CDH7: variants seen among roughly 807,000 people sequenced by gnomAD.
The protein encoded by CDH7 is cadherin-7.
Under a neutral mutation model 71.8 loss-of-function variants are expected in CDH7, and 25 were observed. The ratio of observed to expected loss-of-function variants is 0.35; its 90% CI spans 0.25 to 0.49. The LOEUF (loss-of-function observed/expected upper bound fraction) is 0.49. CDH7 is among the 20% of genes least tolerant of loss of function. The probability of loss-of-function intolerance (pLI) is 0.99; values close to 1 mark genes in which losing one functional copy is unlikely to be tolerated. For missense variants in CDH7, 862 were observed against 974.6 expected (o/e 0.88, Z 1.54); for synonymous variants, 381 against 363.8 (o/e 1.05, Z -0.54).
intron 4 of CDH7, among the ~76,000 whole-genome samples, chr18:65,819,565 G>A (rs1336760059): frequency 6.6e-6 from 1 of 152,008 alleles, no homozygotes; most frequent in Non-Finnish European, 1.5e-5. Flanking sequence ...CTCATTGTAT[G>A]GTTTTAGAAT....
chr18:65,792,372 TCAAA>T (rs1910745991), intron 2 of CDH7, among the ~76,000 whole-genome samples: 2 of 152,102 alleles, frequency 1.3e-5, no homozygotes, highest in South Asian at 4.2e-4. Context: ...GTGTAAAGAA[TCAAA>T]CAAGTAAACC....
At chr18:65,781,783 C>T (rs201244561) in intron 2 of CDH7, among the ~76,000 whole-genome samples, 5,562 of 64,764 alleles carry the variant, frequency 0.086, 1,072 homozygotes, top group African/African-American at 0.23. Context: ...TCCTTCCTTC[C>T]TTCCTTCCTT....
At chr18:65,864,535 AG>A (rs1194889123) in intron 11 of CDH7, among the ~76,000 whole-genome samples, 1 of 152,038 alleles carries the variant, frequency 6.6e-6, no homozygotes, top group African/African-American at 2.4e-5. Context: ...TTAATAAAAA[AG>A]ATGTAAATTG....
intron 11 of CDH7, among the ~76,000 whole-genome samples, chr18:65,870,045 T>C (rs1913882998): frequency 6.6e-6 from 1 of 152,182 alleles, no homozygotes; most frequent in African/African-American, 2.4e-5. Flanking sequence ...TGTTTGCAGG[T>C]TAGTAGCCAT....
chr18:65,844,178 T>G lies in CDH7; in HGVS notation c.1235+113T>G, dbSNP rs964551770. 18 of 254,192 alleles carry G rather than the reference T, an allele frequency of 7.1e-5. No individual in the cohort carries two copies. The South Asian group carries it at 1.6e-3, about 22-fold the overall frequency. The allele number at this position is 254,192 out of a possible 1,614,324, so 15.7% of individuals were successfully genotyped here. On this transcript the variant is annotated intron_variant, in intron 7 of 11. Transcript: ENST00000397968. ...GTTCATAACAAATAAAAACCAGATATATATATATATCGAGTTATAACAGCA... is the reference window on the plus strand; with the variant it reads ...GTTCATAACAAATAAAAACCAGATAGATATATATATCGAGTTATAACAGCA...
At position 65,788,591 on chromosome 18, in the gene CDH7, A is replaced by G. The variant is rs190932869; in HGVS notation, c.211-21113A>G. On this transcript the variant is annotated intron_variant, in intron 2 of 11. Coordinates refer to ENST00000397968, the MANE Select transcript of CDH7 (RefSeq NM_004361.5). ...ACAGGGGCCATCTGCCGGCTTGCTC[A>G]ACTAATGCATTTGCTTGAGCCTCTA... is the stretch of plus-strand genomic sequence containing the variant. 2.7e-3 allele frequency among the ~76,000 whole-genome samples: 407 copies of G among 152,314 alleles called. 5 individuals carry two copies. The highest frequency in any genetic ancestry group is 9.4e-3 in the African/African-American group (392 of 41,584).
chr18:65,840,571 C>G (rs1242659312), intron 6 of CDH7, among the ~76,000 whole-genome samples: 1 of 151,986 alleles, frequency 6.6e-6, no homozygotes, highest in Non-Finnish European at 1.5e-5. Context: ...GAGGTGGTTT[C>G]CCCCCATACT....
At chr18:65,755,436 A>G (rs1234937999) in intron 1 of CDH7, among the ~76,000 whole-genome samples, 1 of 152,210 alleles carries the variant, frequency 6.6e-6, no homozygotes, top group Admixed American at 6.5e-5. Context: ...TTTTCCTCTA[A>G]CATGAACCCT....
intron 7 of CDH7, among the ~76,000 whole-genome samples, chr18:65,846,130 T>C (rs1912926689): frequency 6.6e-6 from 1 of 152,100 alleles, no homozygotes; most frequent in Non-Finnish European, 1.5e-5. Flanking sequence ...ATAATAATTT[T>C]AGGAAGAAGA....
At chr18:65,771,321 A>C (rs1007143888) in intron 2 of CDH7, among the ~76,000 whole-genome samples, 2 of 152,028 alleles carry the variant, frequency 1.3e-5, no homozygotes, top group African/African-American at 4.8e-5. Context: ...AGTTTTAACA[A>C]GTAGAAGTTT....
intron 3 of CDH7, among the ~76,000 whole-genome samples, chr18:65,810,346 C>G (rs964650013): frequency 6.6e-6 from 1 of 152,142 alleles, no homozygotes; most frequent in African/African-American, 2.4e-5. Flanking sequence ...CTTCCAGACA[C>G]AGGCCAGTGA....
rs1238528193 is a variant in CDH7, at chr18:65,777,435, G to A, written c.210+14383G>A. ...AAAGGAGATTTATTATATGATCTCC[G>A]CAGTGGGACTAGCCTACAGGTGAAA... On this transcript the variant is annotated intron_variant, in intron 2 of 11. Transcript: ENST00000397968. 5.9e-5 allele frequency among the ~76,000 whole-genome samples: 9 copies of A among 152,008 alleles called. No homozygotes were observed. The East Asian group carries it at 9.7e-4, about 16-fold the overall frequency.
intron 8 of CDH7, 44 bp from the exon 9 acceptor site, chr18:65,858,881 A>C (rs1323217077): frequency 6.3e-7 from 1 of 1,578,064 alleles, no homozygotes; most frequent in East Asian, 2.2e-5. Flanking sequence ...ATTGTGCTTT[A>C]GATGGGCAAA....
chr18:65,786,392 C>T (rs1599005099), intron 2 of CDH7, among the ~76,000 whole-genome samples: 1 of 152,142 alleles, frequency 6.6e-6, no homozygotes, highest in East Asian at 1.9e-4. Context: ...ATTATCATTA[C>T]ATTCCTAAGC....
chr18:65,783,285 C>G (rs973621346), intron 2 of CDH7, among the ~76,000 whole-genome samples: 1 of 151,968 alleles, frequency 6.6e-6, no homozygotes, highest in African/African-American at 2.4e-5. Context: ...AGAAAATTGA[C>G]AATAATAAAA....
Position 65,833,401 on chromosome 18 carries a change from C to A in CDH7, c.981+8570C>A, listed in dbSNP as rs571736267. Among the ~76,000 whole-genome samples, 6 of 152,278 alleles carry A rather than the reference C, an allele frequency of 3.9e-5. No homozygotes were observed. The South Asian group carries it at 1.2e-3, about 32-fold the overall frequency. ...CCAAGGTTAATGCCAATTTATTTTT[C>A]TTCCTCTCATTAATTGTTTTCTTTC... On this transcript the variant is annotated intron_variant, in intron 6 of 11. Coordinates refer to ENST00000397968, the MANE Select transcript of CDH7 (RefSeq NM_004361.5).
intron 6 of CDH7, among the ~76,000 whole-genome samples, chr18:65,829,775 A>AGTGTGTGTGTGTGT (rs3061822): frequency 1.4e-5 from 2 of 138,124 alleles, no homozygotes; most frequent in African/African-American, 5.5e-5. Flanking sequence ...CAAGGAAGGG[A>AGTGTGTGTGTGTGT]GTGTGTGTGT....
At chr18:65,806,848 G>A (rs1174034286) in intron 2 of CDH7, among the ~76,000 whole-genome samples, 2 of 152,130 alleles carry the variant, frequency 1.3e-5, no homozygotes, top group Non-Finnish European at 2.9e-5. Context: ...TTAGTATAAT[G>A]CACAAAGTCT....
At chr18:65,796,037 A>AAAAT (rs1158048259) in intron 2 of CDH7, among the ~76,000 whole-genome samples, 7 of 152,156 alleles carry the variant, frequency 4.6e-5, no homozygotes, top group East Asian at 1.9e-4. Context: ...AACCTTTTTT[A>AAAAT]AAATAAATAA....
Sources: gnomAD v4.1 joint callset for allele counts (sites outside exome capture counted in the v4.1 genomes callset) on GRCh38, gnomAD v4.1.1 for gene constraint, MANE v1.5 for transcripts, NCBI Gene and HGNC (gene_info 2026-07-23, HGNC 2026-07-21) for gene names.